The following FARS2 variants were observed in gnomAD, a reference collection of about 807,000 sequenced individuals.
The protein encoded by FARS2 is phenylalanine--tRNA ligase, mitochondrial.
FARS2 carries 40 observed loss-of-function variants against 46.4 expected under a neutral mutation model. The ratio of observed to expected loss-of-function variants is 0.86; its 90% CI spans 0.67 to 1.12. The LOEUF (loss-of-function observed/expected upper bound fraction) is 1.12. FARS2 is among the 50% of genes most tolerant of loss of function. The pLI is 0.00. For missense variants in FARS2, 513 were observed against 567.9 expected, an observed-to-expected ratio of 0.90 and a Z score of 0.98; for synonymous variants, 234 against 214.9, an observed-to-expected ratio of 1.09 and a Z score of -0.78.
Position 5,525,916 on chromosome 6 carries a change from C to T in FARS2, c.905-19264C>T, listed in dbSNP as rs74392391. Reference sequence around the variant, plus strand: ...CAAATGTGCAACTCAATAAATTTTACGCTACTGAAGCAAACTGAGGGAGAA... The same window carrying T: ...CAAATGTGCAACTCAATAAATTTTATGCTACTGAAGCAAACTGAGGGAGAA... On this transcript the variant is annotated intron_variant, in intron 4 of 6. Coordinates refer to ENST00000274680, the MANE Select transcript of FARS2 (RefSeq NM_006567.5). Among the ~76,000 whole-genome samples the T allele has an allele frequency of 5.3e-5, 8 of 152,332 alleles. No homozygotes were observed. In the East Asian group the frequency reaches 5.8e-4, roughly 11 times the overall value.
intron 3 of FARS2, among the ~76,000 whole-genome samples, chr6:5,426,786 C>T (rs780155417): frequency 6.6e-6 from 1 of 152,046 alleles, no homozygotes; most frequent in Non-Finnish European, 1.5e-5. Context: ...CCATCACACC[C>T]GACTAATTTT....
intron 6 of FARS2, among the ~76,000 whole-genome samples, chr6:5,627,767 A>G (rs530298108): frequency 4.6e-5 from 7 of 152,368 alleles, no homozygotes; most frequent in African/African-American, 1.4e-4. Flanking sequence ...TCAACAACGT[A>G]TGTTATATTG....
rs75187571 is a variant in FARS2 at position 5,630,737 on chromosome 6, T to C, written c.1217+17417T>C. On this transcript the variant is annotated intron_variant, in intron 6 of 6. Transcript: ENST00000274680. The surrounding 1 kb of genome is among the most constrained non-coding windows in gnomAD (Gnocchi z 4.2). ...AGGGAGAATTACACAGACGTGATGA[T>C]TGGCTATCAGAGTTCCCCAGCACTG... 0.017 allele frequency among the ~76,000 whole-genome samples: 2,622 copies of C among 152,320 alleles called. 74 individuals are homozygous for C. The highest frequency in any genetic ancestry group is 0.06 in the African/African-American group (2,483 of 41,552).
At chr6:5,519,216 A>G (rs753360817) in intron 4 of FARS2, among the ~76,000 whole-genome samples, 1 of 152,210 alleles carries the variant, frequency 6.6e-6, no homozygotes, top group Non-Finnish European at 1.5e-5. Context: ...TTCCCATGTC[A>G]GAACAGAAAC....
chr6:5,473,388 A>G (rs1345034123), intron 4 of FARS2, among the ~76,000 whole-genome samples: 1 of 152,036 alleles, frequency 6.6e-6, no homozygotes, highest in Non-Finnish European at 1.5e-5. Flanking sequence ...TTAGCCGGGA[A>G]TGGTGGCGTG....
At chr6:5,572,524 A>T (rs969847324) in intron 5 of FARS2, among the ~76,000 whole-genome samples, 1 of 152,118 alleles carries the variant, frequency 6.6e-6, no homozygotes, top group Non-Finnish European at 1.5e-5. Context: ...ATAGTAAGAA[A>T]GAGATCGATG....
At chr6:5,659,711 A>C (rs1159739368) in intron 6 of FARS2, among the ~76,000 whole-genome samples, 2 of 152,224 alleles carry the variant, frequency 1.3e-5, no homozygotes, top group Non-Finnish European at 2.9e-5. Context: ...GAGAAAAATC[A>C]TGGTTCTTGC....
intron 6 of FARS2, among the ~76,000 whole-genome samples, chr6:5,721,620 T>C (rs1759916857): frequency 6.6e-6 from 1 of 152,226 alleles, no homozygotes; most frequent in South Asian, 2.1e-4. Flanking sequence ...TTTCATTATC[T>C]AAGATCAAAA....
intron 6 of FARS2, among the ~76,000 whole-genome samples, chr6:5,742,578 A>AT (rs1369570747): frequency 6.6e-6 from 1 of 151,452 alleles, no homozygotes; most frequent in Non-Finnish European, 1.5e-5. Context: ...GTTTCCTCTT[A>AT]TTTTTTATCT....
At chr6:5,493,398 CT>C (rs1406702652) in intron 4 of FARS2, among the ~76,000 whole-genome samples, 2 of 152,082 alleles carry the variant, frequency 1.3e-5, no homozygotes, top group Non-Finnish European at 2.9e-5. Flanking sequence ...CAGAGCAACA[CT>C]TAAGAAATAC....
intron 1 of FARS2, among the ~76,000 whole-genome samples, chr6:5,318,402 A>C (rs1769712609): frequency 6.6e-6 from 1 of 150,450 alleles, no homozygotes; most frequent in Non-Finnish European, 1.5e-5. Flanking sequence ...AAAAAAAAAA[A>C]AAAAACCCTA....
At chr6:5,614,645 C>A (rs183931679) in intron 6 of FARS2, among the ~76,000 whole-genome samples, 1 of 152,152 alleles carries the variant, frequency 6.6e-6, no homozygotes, top group African/African-American at 2.4e-5. Flanking sequence ...ATGATCCGCC[C>A]GCCTGGGCCT....
intron 4 of FARS2, among the ~76,000 whole-genome samples, chr6:5,473,345 C>A (rs954685633): frequency 6.6e-6 from 1 of 151,644 alleles, no homozygotes; most frequent in East Asian, 1.9e-4. Context: ...GCTAACACAG[C>A]GAAACCCCGT....
At chr6:5,296,721 T>C (rs1052674932) in intron 1 of FARS2, among the ~76,000 whole-genome samples, 22 of 152,232 alleles carry the variant, frequency 1.4e-4, no homozygotes, top group African/African-American at 5.1e-4. Flanking sequence ...AACATTTTCA[T>C]GGTTCATCCA....
intron 5 of FARS2, among the ~76,000 whole-genome samples, chr6:5,569,496 A>G (rs1465252880): frequency 6.6e-6 from 1 of 152,154 alleles, no homozygotes; most frequent in African/African-American, 2.4e-5. Flanking sequence ...GAGTGCTGGG[A>G]TTACAGGCGT....
At chr6:5,549,595 A>G (rs2150512003) in intron 5 of FARS2, among the ~76,000 whole-genome samples, 1 of 152,192 alleles carries the variant, frequency 6.6e-6, no homozygotes, top group South Asian at 2.1e-4. Flanking sequence ...GATCCTTATG[A>G]TTGTATCAAG....
At chr6:5,664,860 A>G (rs1445444246) in intron 6 of FARS2, 2 of 152,150 alleles carry the variant, frequency 1.3e-5, no homozygotes, top group Non-Finnish European at 1.5e-5. Flanking sequence ...CTGCTTCTTA[A>G]CTTGTTCACA....
chr6:5,268,078 A>G (rs376011891), intron 1 of FARS2, among the ~76,000 whole-genome samples: 4,447 of 152,032 alleles, frequency 0.029, 201 homozygotes, highest in African/African-American at 0.1. Context: ...AAATTTGTTT[A>G]AGTTCTTTGT....
At chr6:5,650,055 CT>C (rs1442896164) in intron 6 of FARS2, among the ~76,000 whole-genome samples, 1 of 152,160 alleles carries the variant, frequency 6.6e-6, no homozygotes, top group Non-Finnish European at 1.5e-5. Flanking sequence ...GACCCATTTT[CT>C]TTCCTGTTAG....
Sources: gnomAD v4.1 joint callset for allele counts (sites outside exome capture counted in the v4.1 genomes callset) on GRCh38, gnomAD v4.1.1 for gene constraint, Gnocchi (gnomAD v3.1) non-coding constraint, MANE v1.5 for transcripts, NCBI Gene and HGNC (gene_info 2026-07-23, HGNC 2026-07-21) for gene names.